The following RIF1 variants were observed in gnomAD, a reference collection of about 807,000 sequenced individuals.
RIF1 encodes telomere-associated protein RIF1.
Under a neutral mutation model 247.1 loss-of-function variants are expected in RIF1, and 45 were observed. That is an observed-to-expected ratio of 0.18 (90% CI 0.14 to 0.23). The LOEUF is 0.23. Ranked by LOEUF, RIF1 falls within the 10% of genes least tolerant of loss-of-function variation. The pLI, the probability that RIF1 is intolerant of heterozygous loss-of-function variation, is 1.00. For missense variants in RIF1, 2,967 were observed against 2,862.5 expected (o/e 1.04, Z -0.83); for synonymous variants, 1,087 against 978.8 (o/e 1.11, Z -2.06).
intron 11 of RIF1, chr2:151,502,936 GT>G: frequency 2.6e-6 from 3 of 1,141,740 alleles, no homozygotes; most frequent in Non-Finnish European, 3.9e-6. Flanking sequence ...GGCACAGAGA[GT>G]AAGGAAGGAA....
At chr2:151,519,694 G>T in the RIF1 span, 1 of 1,612,898 alleles carries the variant, frequency 6.2e-7, no homozygotes, top group Non-Finnish European at 8.5e-7. Context: ...TCATGACTTT[G>T]TAGAGCTGGC....
downstream of RIF1, among the ~76,000 whole-genome samples, chr2:151,508,846 T>G (rs1195843463): frequency 1.3e-5 from 2 of 152,258 alleles, no homozygotes; most frequent in Non-Finnish European, 2.9e-5. Flanking sequence ...TAGAGGCTGC[T>G]CTTCCAGACA....
At chr2:151,484,953 A>T (rs1047288040), downstream of RIF1, among the ~76,000 whole-genome samples, 1 of 152,182 alleles carries the variant, frequency 6.6e-6, no homozygotes, top group Non-Finnish European at 1.5e-5. Context: ...CACATTAAGA[A>T]GCTTGAGGCA....
At chr2:151,505,798 G>A (rs546050688) in intron 12 of RIF1, 1 of 563,876 alleles carries the variant, frequency 1.8e-6, no homozygotes, top group African/African-American at 1.9e-5. Flanking sequence ...GGGCAGGGAT[G>A]GGGGCCCCTA....
chr2:151,465,694 G>T lies in RIF1; in HGVS notation c.6174G>T (p.Met2058Ile). The T allele has an allele frequency of 6.2e-7, 1 of 1,614,160 alleles. No homozygotes were observed. Among genetic ancestry groups the T allele is most frequent in the East Asian group, 2.2e-5 (1 of 44,876 alleles). ...AGCCTGATGAAGCTGAAACAAACAT[G>T]TTGACTGCAGAAATGGACAACTTTG... ...TSKPDEAETNMLTAEMDNFVC... is the reference protein window; with the variant it reads ...TSKPDEAETNILTAEMDNFVC... Residue 2058 changes from methionine (M) to isoleucine (I), a missense_variant, in exon 30 of 36, where the codon ATG becomes ATT. This residue lies in a region of RIF1 where 2,028 missense variants were observed against 1,825.6 expected (regional missense o/e 1.11). Coordinates refer to ENST00000444746, the MANE Select transcript of RIF1 (RefSeq NM_018151.5).
chr2:151,488,078 G>A (rs2052595419), intron 9 of RIF1, among the ~76,000 whole-genome samples: 1 of 151,422 alleles, frequency 6.6e-6, no homozygotes, highest in Non-Finnish European at 1.5e-5. Flanking sequence ...TTTTTCTGTT[G>A]GCCATTTATA....
chr2:151,420,245 C>T lies in RIF1; in HGVS notation c.559C>T (p.Leu187=). The change falls in exon 7 of 36, where the codon CTG becomes TTG. Residue 187 remains leucine, a synonymous_variant. Transcript: ENST00000444746. ...MGEEAVRWAK[L]VIPLVVHSAQ... The stretch of plus-strand genomic sequence containing the variant: ...AGAAGAGGCAGTGAGGTGGGCAAAA[C>T]TGGTCATACCTTTAGTGGTTCATTC... 6.2e-7 allele frequency: 1 copy of T among 1,614,082 alleles called. No homozygotes were observed. Among genetic ancestry groups the T allele is most frequent in the South Asian group, 1.1e-5 (1 of 91,076 alleles).
chr2:151,527,095 C>T, the RIF1 span: 482 of 957,862 alleles, frequency 5.0e-4, 4 homozygotes, highest in African/African-American at 6.9e-3. Flanking sequence ...TGATTAAACA[C>T]ACAGGGAGTC....
At chr2:151,504,391 T>TAAAG (rs2067145768) in intron 12 of RIF1, among the ~76,000 whole-genome samples, 2 of 151,984 alleles carry the variant, frequency 1.3e-5, no homozygotes, top group Non-Finnish European at 2.9e-5. Context: ...AAAGCAAAAT[T>TAAAG]AAAGAAAACC....
At chr2:151,531,189 A>AT in the RIF1 span, 2 of 839,188 alleles carry the variant, frequency 2.4e-6, no homozygotes, top group African/African-American at 3.4e-5. Flanking sequence ...TCCTGAGTGA[A>AT]TATAAAGGAA....
chr2:151,460,941 C>T (rs1318736790), intron 26 of RIF1, among the ~76,000 whole-genome samples, 197 bp from the exon 27 acceptor site: 2 of 152,202 alleles, frequency 1.3e-5, no homozygotes, highest in Admixed American at 1.3e-4. Context: ...AGGTTTAATA[C>T]TGTCTACTTT....
Position 151,467,565 on chromosome 2 carries a change from G to A in RIF1, c.6601-435G>A, listed in dbSNP as rs551628045. On this transcript the variant is annotated intron_variant, in intron 30 of 35. Transcript: ENST00000444746. ...TCACCATGTTGGTCAGGCTGGTCTTGAACTCCTGACCTCGAGATCCACCCG... is the reference window on the plus strand; with the variant it reads ...TCACCATGTTGGTCAGGCTGGTCTTAAACTCCTGACCTCGAGATCCACCCG... Among the ~76,000 whole-genome samples the A allele has an allele frequency of 8.5e-5, 13 of 152,130 alleles. No individual in the cohort carries two copies. In the East Asian group the frequency reaches 2.0e-3, roughly 23 times the overall value.
At chr2:151,453,848 G>C (rs1350161146) in intron 21 of RIF1, among the ~76,000 whole-genome samples, 1 of 152,134 alleles carries the variant, frequency 6.6e-6, no homozygotes, top group Non-Finnish European at 1.5e-5. Flanking sequence ...TGTTTCTCTA[G>C]ATACACTTTC....
At chr2:151,468,201 T>A in intron 31 of RIF1, 55 bp downstream of exon 31, 1 of 1,438,876 alleles carries the variant, frequency 6.9e-7, no homozygotes, top group South Asian at 1.3e-5. Flanking sequence ...GAATTACATG[T>A]ACATGATGTG....
At chr2:151,447,441 G>A (rs974310585) in intron 20 of RIF1, among the ~76,000 whole-genome samples, 1 of 152,196 alleles carries the variant, frequency 6.6e-6, no homozygotes, top group African/African-American at 2.4e-5. Context: ...GTAAAACACT[G>A]TCTTGGCTCA....
chr2:151,429,927 T>C (rs1689770373), intron 9 of RIF1, among the ~76,000 whole-genome samples: 1 of 152,230 alleles, frequency 6.6e-6, no homozygotes. Context: ...TGTTGATTTT[T>C]ATCCTATATT....
intron 10 of RIF1, among the ~76,000 whole-genome samples, chr2:151,496,524 G>T (rs2060287121): frequency 6.6e-6 from 1 of 152,170 alleles, no homozygotes; most frequent in African/African-American, 2.4e-5. Flanking sequence ...TACTTTAGTG[G>T]AAGCTGTTGT....
At chr2:151,451,843 A>G in intron 21 of RIF1, 138 bp downstream of exon 21, 1 of 562,204 alleles carries the variant, frequency 1.8e-6, no homozygotes, top group Non-Finnish European at 3.2e-6. Context: ...TTACTATGCT[A>G]GGAGCTTTCA....
Position 151,464,017 on chromosome 2 carries a change from T to A in RIF1, c.4497T>A (p.Thr1499=). ...GGGAAACTAGTGCTAATGCAGAAAC[T>A]GAACAAAATAAAAAAAAGGCAGACC... ...TLGETSANAE[T]EQNKKKADPE... The change falls in exon 30 of 36, where the codon ACT becomes ACA. Residue 1499 remains threonine, a synonymous_variant. Coordinates refer to ENST00000444746, the MANE Select transcript of RIF1 (RefSeq NM_018151.5). 1 of 1,609,082 alleles carries A rather than the reference T, an allele frequency of 6.2e-7. No homozygotes were observed. The highest frequency in any genetic ancestry group is 1.3e-5 in the African/African-American group (1 of 74,364).
Sources: allele counts gnomAD v4.1 joint callset (sites outside exome capture counted in the v4.1 genomes callset), GRCh38; gene constraint gnomAD v4.1.1; regional missense constraint gnomAD v4.1.1; transcripts MANE v1.5; gene names NCBI Gene and HGNC (gene_info 2026-07-23, HGNC 2026-07-21).